EIF4A3: variants seen among roughly 807,000 people sequenced by gnomAD.
The protein encoded by EIF4A3 is eukaryotic initiation factor 4A-III.
In EIF4A3, 1 loss-of-function variant was observed where a neutral mutation model predicts 55.6. That is an observed-to-expected ratio of 0.02 (90% confidence interval 0.01 to 0.09). EIF4A3 has a LOEUF of 0.09. EIF4A3 is among the 10% of genes least tolerant of loss of function. The probability of loss-of-function intolerance (pLI) is 1.00; values close to 1 mark genes in which losing one functional copy is unlikely to be tolerated. For synonymous variants in EIF4A3, 194 were observed against 196.3 expected (o/e 0.99, Z 0.10); for missense variants, 221 against 540.7 (o/e 0.41, Z 5.86).
At chr17:80,141,927 G>A in intron 2 of EIF4A3, 79 bp from the exon 3 acceptor site, 1 of 1,197,486 alleles carries the variant, frequency 8.4e-7, no homozygotes. Context: ...CTGGGCTCCA[G>A]AGGCACTTAG....
Position 80,139,017 on chromosome 17 carries a change from C to T in EIF4A3, c.728+4G>A, listed in dbSNP as rs779738577. 2 of 1,613,328 alleles carry T rather than the reference C, an allele frequency of 1.2e-6. No individual in the cohort carries two copies. Among genetic ancestry groups the T allele is most frequent in the African/African-American group, 1.3e-5 (1 of 74,790 alleles). On this transcript the variant is annotated splice_donor_region_variant and intron_variant, in intron 7 of 11. Coordinates refer to ENST00000649764, the MANE Select transcript of EIF4A3 (RefSeq NM_014740.4). ...TTAGTAAACTTGACAAGAGGGGCTC[C>T]TACCGTTTCACCAAGATGCGGATTG... is the stretch of plus-strand genomic sequence containing the variant.
intron 9 of EIF4A3, 146 bp downstream of exon 9, chr17:80,137,240 T>C: frequency 1.6e-6 from 1 of 629,612 alleles, no homozygotes; most frequent in South Asian, 2.4e-5. Flanking sequence ...AACTGGAAGG[T>C]TTTCTGCTCA....
chr17:80,145,945 T>C (rs1032113554), intron 1 of EIF4A3, among the ~76,000 whole-genome samples: 1 of 152,076 alleles, frequency 6.6e-6, no homozygotes, highest in Admixed American at 6.5e-5. Context: ...CCAACTCTCT[T>C]GTTTCCTCTC....
At chr17:80,140,983 G>A (rs936164008) in intron 4 of EIF4A3, among the ~76,000 whole-genome samples, 1 of 152,030 alleles carries the variant, frequency 6.6e-6, no homozygotes, top group Non-Finnish European at 1.5e-5. Flanking sequence ...TTTTAGTAGA[G>A]ACAGGGTTTC....
At chr17:80,138,482 C>T (rs2039591571) in intron 7 of EIF4A3, 1 of 566,700 alleles carries the variant, frequency 1.8e-6, no homozygotes, top group East Asian at 2.8e-5. Context: ...CTTAACATTT[C>T]ACAATGTGCA....
At chr17:80,143,333 T>C (rs151211057) in intron 2 of EIF4A3, among the ~76,000 whole-genome samples, 2 of 152,226 alleles carry the variant, frequency 1.3e-5, no homozygotes, top group East Asian at 1.9e-4. Context: ...TTTGAGCTGC[T>C]GTTCCAGCAA....
Position 80,134,979 on chromosome 17 carries a change from G to A in EIF4A3, c.*511C>T, listed in dbSNP as rs936296316. Among the ~76,000 whole-genome samples the A allele has an allele frequency of 6.6e-6, 1 of 151,808 alleles. No individual in the cohort carries two copies. The highest frequency in any genetic ancestry group is 1.5e-5 in the Non-Finnish European group (1 of 67,952). Reference sequence around the variant, plus strand: ...ATCTTGGCTAACACGGTGAAACCCCGTCTCTACTGAAAATACAAAAAAATT... The same window carrying A: ...ATCTTGGCTAACACGGTGAAACCCCATCTCTACTGAAAATACAAAAAAATT... On this transcript the variant is annotated 3_prime_UTR_variant, in exon 12 of 12. Transcript: ENST00000649764.
chr17:80,144,144 C>T (rs754202071), intron 2 of EIF4A3, 28 bp downstream of exon 2: 3 of 1,609,916 alleles, frequency 1.9e-6, no homozygotes, highest in East Asian at 2.2e-5. Flanking sequence ...TTACATCCAG[C>T]CCTGCGCCGC....
chr17:80,135,711 CATGGTGAAACCCCGT>C (rs2039564822), intron 11 of EIF4A3: 1 of 614,500 alleles, frequency 1.6e-6, no homozygotes, highest in Non-Finnish European at 2.9e-6. Context: ...GCCTGGCCAA[CATGGTGAAACCCCGT>C]CTCTACTAAA....
In EIF4A3 at chr17:80,135,340, C is replaced by T; in HGVS notation, c.*150G>A. On this transcript the variant is annotated 3_prime_UTR_variant, in exon 12 of 12. Coordinates refer to ENST00000649764, the MANE Select transcript of EIF4A3 (RefSeq NM_014740.4). Reference sequence around the variant, plus strand: ...GTAAATAAGAAAAGAGAGCAGAATCCCCATATCCTCTTCAAAGGAAGGGAG... The same window carrying T: ...GTAAATAAGAAAAGAGAGCAGAATCTCCATATCCTCTTCAAAGGAAGGGAG... 2.7e-6 allele frequency: 2 copies of T among 734,422 alleles called. No homozygotes were observed. Among genetic ancestry groups the T allele is most frequent in the Non-Finnish European group, 4.3e-6 (2 of 466,950 alleles). 45.5% of individuals were successfully genotyped at this position (734,422 alleles called of 1,614,324 possible).
In EIF4A3 at chr17:80,134,484, C is replaced by T. The variant is rs573866078; in HGVS notation, c.*1006G>A. On this transcript the variant is annotated 3_prime_UTR_variant, in exon 12 of 12. Transcript: ENST00000649764. Reference sequence around the variant, plus strand: ...TCCTGCCACTATACTCCTGCCTGGGCGACAGGGAGATCCTGGGCTCTCAAA... The same window carrying T: ...TCCTGCCACTATACTCCTGCCTGGGTGACAGGGAGATCCTGGGCTCTCAAA... Among the ~76,000 whole-genome samples, 101 of 151,500 alleles carry T rather than the reference C, an allele frequency of 6.7e-4. No individual in the cohort carries two copies. Among genetic ancestry groups the T allele is most frequent in the Non-Finnish European group, 1.2e-3 (82 of 67,902 alleles).
Position 80,136,056 on chromosome 17 carries a change from G to T in EIF4A3, c.1167C>A (p.Leu389=), listed in dbSNP as rs1201934112. 6.2e-7 allele frequency: 1 copy of T among 1,614,168 alleles called. No individual in the cohort carries two copies. Residue 389 remains leucine (L), a synonymous_variant, in exon 11 of 12, where the codon CTC becomes CTA. Coordinates refer to ENST00000649764, the MANE Select transcript of EIF4A3 (RefSeq NM_014740.4). ...TGGAATAGTACTGCTCGATATCTCT[G>T]AGGATGCGGATGTCGTCATTCTTTA... is the stretch of plus-strand genomic sequence containing the variant. ...NFVKNDDIRI[L]RDIEQYYSTQ... is the part of the protein sequence containing the mutation.
chr17:80,139,941 C>T, intron 5 of EIF4A3, 67 bp downstream of exon 5: 1 of 1,580,892 alleles, frequency 6.3e-7, no homozygotes, highest in Non-Finnish European at 8.6e-7. Flanking sequence ...GAAAGCTGTC[C>T]TGTACCATTT....
rs1361131805 is a variant in EIF4A3 at position 80,146,644 on chromosome 17, G to A, written c.169+149C>T. The A allele has an allele frequency of 4.4e-6, 4 of 909,798 alleles. No individual in the cohort carries two copies. The Admixed American group carries it at 1.3e-4, about 30-fold the overall frequency. 56.4% of individuals were successfully genotyped at this position (909,798 alleles called of 1,614,324 possible). On this transcript the variant is annotated intron_variant, in intron 1 of 11. Transcript: ENST00000649764. ...TGAGGGCGAGGACGGGGGTGGGGGT[G>A]GGGGTCGGACGTCACTGGCCCCCGA...
chr17:80,140,669 G>C (rs961036627), intron 4 of EIF4A3, among the ~76,000 whole-genome samples: 2 of 152,068 alleles, frequency 1.3e-5, no homozygotes, highest in Admixed American at 6.6e-5. Flanking sequence ...TATTACAAAA[G>C]CTATATCATT....
chr17:80,143,985 GA>G (rs2039638902), intron 2 of EIF4A3, among the ~76,000 whole-genome samples, 186 bp downstream of exon 2: 1 of 152,050 alleles, frequency 6.6e-6, no homozygotes. Context: ...ATCTCAAAAA[GA>G]AAATGAAAGC....
In EIF4A3 at chr17:80,134,446, T is replaced by G. The variant is rs1261983954; in HGVS notation, c.*1044A>C. ...TATCTGTTTTAGTTTGTCAACATTG[T>G]GGTAAGTCATGATCCTGCCACTATA... On this transcript the variant is annotated 3_prime_UTR_variant, in exon 12 of 12. Transcript: ENST00000649764. Among the ~76,000 whole-genome samples the G allele has an allele frequency of 6.6e-6, 1 of 151,818 alleles. No homozygotes were observed. Among genetic ancestry groups the G allele is most frequent in the Non-Finnish European group, 1.5e-5 (1 of 67,970 alleles).
At chr17:80,146,709 C>G (rs929667521) in intron 1 of EIF4A3, 84 bp downstream of exon 1, 3 of 1,483,660 alleles carry the variant, frequency 2.0e-6, no homozygotes, top group Admixed American at 4.1e-5. Context: ...GCAGGGCCGG[C>G]CCGGGAGTCA....
chr17:80,135,442 G>T lies in EIF4A3; in HGVS notation c.*48C>A. ...TCTGGATCTAAATACTTCCAAACAG[G>T]AGTACACAGCAGGTGAACAGTCTCC... On this transcript the variant is annotated 3_prime_UTR_variant, in exon 12 of 12. Coordinates refer to ENST00000649764, the MANE Select transcript of EIF4A3 (RefSeq NM_014740.4). 6.5e-7 allele frequency: 1 copy of T among 1,538,886 alleles called. No individual in the cohort carries two copies. The highest frequency in any genetic ancestry group is 8.7e-7 in the Non-Finnish European group (1 of 1,144,046).
Sources: allele counts gnomAD v4.1 joint callset (sites outside exome capture counted in the v4.1 genomes callset), GRCh38; gene constraint gnomAD v4.1.1; transcripts MANE v1.5; gene names NCBI Gene and HGNC (gene_info 2026-07-23, HGNC 2026-07-21).